The following GPC6 variants were observed in gnomAD, a reference collection of about 807,000 sequenced individuals.
The protein encoded by GPC6 is glypican 6.
In GPC6, 14 loss-of-function variants were observed where a neutral mutation model predicts 55.2. The ratio of observed to expected loss-of-function variants is 0.25; its 90% CI spans 0.17 to 0.40. GPC6 has a LOEUF of 0.40. GPC6 is among the 10% of genes least tolerant of loss of function. The pLI, the probability that GPC6 is intolerant of heterozygous loss-of-function variation, is 1.00. For synonymous variants in GPC6, 278 were observed against 259.6 expected (o/e 1.07, Z -0.68); for missense variants, 641 against 708.5 (o/e 0.90, Z 1.08).
chr13:94,208,361 G>A (rs1024711317), intron 4 of GPC6, among the ~76,000 whole-genome samples: 1 of 152,078 alleles, frequency 6.6e-6, no homozygotes, highest in African/African-American at 2.4e-5. Context: ...ATATAAAGCA[G>A]TTAGTGTATC....
chr13:94,387,169 G>T (rs1164794244), intron 7 of GPC6, among the ~76,000 whole-genome samples: 1 of 152,062 alleles, frequency 6.6e-6, no homozygotes, highest in African/African-American at 2.4e-5. Flanking sequence ...GTAAGCAGTG[G>T]CTCCCCTAAG....
chr13:93,295,028 T>C (rs1878437218), intron 1 of GPC6, among the ~76,000 whole-genome samples: 1 of 143,668 alleles, frequency 7.0e-6, no homozygotes, highest in Non-Finnish European at 1.5e-5. Flanking sequence ...CCCAGAATGT[T>C]GGGAAGCCTA....
intron 2 of GPC6, among the ~76,000 whole-genome samples, chr13:93,791,581 C>A (rs990482863): frequency 6.6e-6 from 1 of 152,154 alleles, no homozygotes; most frequent in Non-Finnish European, 1.5e-5. Context: ...CCCAACTATG[C>A]ACAGGCCTCG....
chr13:94,041,956 G>A (rs1362303826), intron 4 of GPC6, among the ~76,000 whole-genome samples: 1 of 151,790 alleles, frequency 6.6e-6, no homozygotes, highest in Non-Finnish European at 1.5e-5. Flanking sequence ...GATATGGTTT[G>A]GATTTGTGTC....
intron 3 of GPC6, among the ~76,000 whole-genome samples, chr13:94,023,492 G>T (rs1882779497): frequency 6.6e-6 from 1 of 151,954 alleles, no homozygotes; most frequent in South Asian, 2.1e-4. Context: ...TAAAAATTTG[G>T]ATAAAACTGG....
At chr13:93,280,813 A>T (rs1380110769) in intron 1 of GPC6, among the ~76,000 whole-genome samples, 1 of 152,174 alleles carries the variant, frequency 6.6e-6, no homozygotes. Context: ...AAAGTGTTCC[A>T]CCTCAGATCA....
At chr13:93,842,548 T>A (rs892192073) in intron 3 of GPC6, among the ~76,000 whole-genome samples, 2 of 152,146 alleles carry the variant, frequency 1.3e-5, no homozygotes, top group Non-Finnish European at 2.9e-5. Flanking sequence ...GTTTAACAAA[T>A]TGTAAAACCT....
chr13:93,381,211 C>T (rs1238942228), intron 1 of GPC6, among the ~76,000 whole-genome samples: 1 of 151,830 alleles, frequency 6.6e-6, no homozygotes, highest in East Asian at 1.9e-4. Context: ...AGTGTGTGTA[C>T]CTGAGGTTAT....
intron 2 of GPC6, among the ~76,000 whole-genome samples, chr13:93,650,606 T>C (rs1392131133): frequency 6.6e-6 from 1 of 152,110 alleles, no homozygotes; most frequent in Admixed American, 6.6e-5. Flanking sequence ...CATAGCAAAA[T>C]CCTGACCATA....
At chr13:94,394,832 AGTAG>A (rs1305817967) in intron 7 of GPC6, among the ~76,000 whole-genome samples, 1 of 152,240 alleles carries the variant, frequency 6.6e-6, no homozygotes, top group Non-Finnish European at 1.5e-5. Context: ...GCTGAGCATC[AGTAG>A]GCACAGTTAG....
At chr13:94,173,315 G>A (rs1014802543) in intron 4 of GPC6, among the ~76,000 whole-genome samples, 23 of 152,116 alleles carry the variant, frequency 1.5e-4, no homozygotes, top group Non-Finnish European at 3.1e-4. Context: ...TCAAATATTT[G>A]AAGAGCTTAC....
At chr13:94,162,784 A>G (rs926755410) in intron 4 of GPC6, among the ~76,000 whole-genome samples, 18 of 152,032 alleles carry the variant, frequency 1.2e-4, no homozygotes, top group Non-Finnish European at 7.4e-5. Context: ...TTGAGCATAT[A>G]TATGTTGTGA....
intron 2 of GPC6, among the ~76,000 whole-genome samples, chr13:93,757,869 A>G (rs1462922536): frequency 6.6e-6 from 1 of 152,180 alleles, no homozygotes; most frequent in Non-Finnish European, 1.5e-5. Flanking sequence ...CACCTTATAT[A>G]GGAAAAGAAA....
Position 93,488,871 on chromosome 13 carries a change from A to C in GPC6, c.161-56392A>C, listed in dbSNP as rs146229542. Among the ~76,000 whole-genome samples the C allele has an allele frequency of 4.3e-4, 65 of 151,894 alleles. No homozygotes were observed. In the East Asian group the frequency reaches 0.01, roughly 24 times the overall value. ...ATTCTTTGTAGATTCTGGATATTAGACCTTTGTCAGATGAGTAGATTGCAA... is the reference window on the plus strand; with the variant it reads ...ATTCTTTGTAGATTCTGGATATTAGCCCTTTGTCAGATGAGTAGATTGCAA... On this transcript the variant is annotated intron_variant, in intron 1 of 8. Transcript: ENST00000377047.
intron 2 of GPC6, among the ~76,000 whole-genome samples, chr13:93,717,259 G>C (rs922449354): frequency 1.3e-5 from 2 of 151,552 alleles, no homozygotes; most frequent in Non-Finnish European, 3.0e-5. Flanking sequence ...TAAATAAAAG[G>C]TCCAGTTTAC....
chr13:94,217,089 C>T (rs1488319188), intron 4 of GPC6, among the ~76,000 whole-genome samples: 1 of 152,162 alleles, frequency 6.6e-6, no homozygotes, highest in African/African-American at 2.4e-5. Context: ...TAGAAACTAC[C>T]ATTATCACCT....
At chr13:93,882,332 A>G (rs1220019934) in intron 3 of GPC6, among the ~76,000 whole-genome samples, 1 of 151,812 alleles carries the variant, frequency 6.6e-6, no homozygotes, top group Non-Finnish European at 1.5e-5. Flanking sequence ...TTTTGTGTAG[A>G]GACAGGGTTT....
intron 1 of GPC6, among the ~76,000 whole-genome samples, chr13:93,277,596 AT>A (rs1395751538): frequency 6.6e-6 from 1 of 152,204 alleles, no homozygotes; most frequent in East Asian, 1.9e-4. Flanking sequence ...ATGCTCAGAG[AT>A]TTCTAGAGAC....
chr13:93,280,279 T>C (rs1215938825), intron 1 of GPC6, among the ~76,000 whole-genome samples: 2 of 152,194 alleles, frequency 1.3e-5, no homozygotes, highest in Admixed American at 1.3e-4. Context: ...CCCAAATAAA[T>C]TCAGCTTTGC....
Sources: gnomAD v4.1 joint callset for allele counts (sites outside exome capture counted in the v4.1 genomes callset) on GRCh38, gnomAD v4.1.1 for gene constraint, MANE v1.5 for transcripts, NCBI Gene and HGNC (gene_info 2026-07-23, HGNC 2026-07-21) for gene names.